Variants in PTPRD observed in about 807,000 individuals in gnomAD.
PTPRD encodes receptor-type tyrosine-protein phosphatase delta.
In PTPRD, 34 loss-of-function variants were observed where a neutral mutation model predicts 214.5. The ratio of observed to expected loss-of-function variants is 0.16; its 90% CI spans 0.12 to 0.21. The LOEUF (loss-of-function observed/expected upper bound fraction) is 0.21. PTPRD is among the 10% of genes least tolerant of loss of function. The pLI, the probability that PTPRD is intolerant of heterozygous loss-of-function variation, is 1.00. For synonymous variants in PTPRD, 1,128 were observed against 845.7 expected (o/e 1.33, Z -5.79); for missense variants, 2,545 against 2,398.7 (o/e 1.06, Z -1.27).
At chr9:9,840,380 C>G (rs1341284443) in intron 5 of PTPRD, among the ~76,000 whole-genome samples, 3 of 152,138 alleles carry the variant, frequency 2.0e-5, no homozygotes, top group Middle Eastern at 3.4e-3. Flanking sequence ...GAAAAATAGA[C>G]TTTGTTTTTT....
intron 2 of PTPRD, among the ~76,000 whole-genome samples, chr9:10,514,307 C>A (rs1199290025): frequency 1.3e-5 from 2 of 151,060 alleles, no homozygotes; most frequent in Admixed American, 6.6e-5. Flanking sequence ...CTTTGGGGAG[C>A]AAAATCAAAA....
intron 9 of PTPRD, among the ~76,000 whole-genome samples, chr9:9,248,134 C>G (rs188002375): frequency 6.6e-6 from 1 of 151,820 alleles, no homozygotes; most frequent in Non-Finnish European, 1.5e-5. Flanking sequence ...ACTCTGTCAC[C>G]CAGGTTGGCA....
chr9:10,268,393 T>C (rs1456368504), intron 3 of PTPRD, among the ~76,000 whole-genome samples: 1 of 151,836 alleles, frequency 6.6e-6, no homozygotes, highest in South Asian at 2.1e-4. Context: ...GTTCTAAATT[T>C]GTAACTATGT....
At chr9:10,312,863 T>C (rs571921670) in intron 3 of PTPRD, among the ~76,000 whole-genome samples, 4 of 152,138 alleles carry the variant, frequency 2.6e-5, no homozygotes, top group East Asian at 3.9e-4. Context: ...TGTAATTTTA[T>C]GAAATATAAA....
At chr9:8,708,406 G>T (rs949961932) in intron 12 of PTPRD, among the ~76,000 whole-genome samples, 2 of 151,984 alleles carry the variant, frequency 1.3e-5, no homozygotes, top group African/African-American at 4.8e-5. Context: ...AGGTGCAGTG[G>T]CTCACATCTG....
intron 2 of PTPRD, among the ~76,000 whole-genome samples, chr9:10,531,306 T>C (rs954464136): frequency 6.6e-6 from 1 of 151,336 alleles, no homozygotes. Context: ...AAGATCTACA[T>C]CATATTACAG....
At chr9:10,217,262 T>C (rs903009292) in intron 3 of PTPRD, among the ~76,000 whole-genome samples, 14 of 151,890 alleles carry the variant, frequency 9.2e-5, no homozygotes, top group Admixed American at 2.0e-4. Flanking sequence ...TTACATTTTA[T>C]TGGCCTCTTC....
At position 8,711,206 on chromosome 9, in the gene PTPRD, AAT is replaced by A. The variant is rs145775124; in HGVS notation, c.64+22572_64+22573del. On this transcript the variant is annotated intron_variant, in intron 12 of 45. Transcript: ENST00000381196. ...ATAATATATTTCATCAGCAATATAA[AAT>A]AATTGTCTTGGTAATTAAGGAAGCT... Among the ~76,000 whole-genome samples, 697 of 152,224 alleles carry A rather than the reference AAT, an allele frequency of 4.6e-3. 4 individuals are homozygous for A. The highest frequency in any genetic ancestry group is 0.016 in the African/African-American group (669 of 41,560).
rs536160333 is a variant in PTPRD, at chr9:8,392,399, G to C, written c.4211-2992C>G. ...AACTTGGCTGGATATGGTCATGCAC[G>C]CCTGTAGTCCCAGCTACCTGGGAGC... On this transcript the variant is annotated intron_variant, in intron 36 of 45. Transcript: ENST00000381196. Among the ~76,000 whole-genome samples, 3 of 152,078 alleles carry C rather than the reference G, an allele frequency of 2.0e-5. No homozygotes were observed. The South Asian group carries it at 6.2e-4, about 32-fold the overall frequency.
chr9:9,267,465 C>G (rs896680743), intron 9 of PTPRD, among the ~76,000 whole-genome samples: 1 of 151,314 alleles, frequency 6.6e-6, no homozygotes, highest in East Asian at 2.0e-4. Context: ...GTGAATTCTA[C>G]CAAACATTTA....
intron 8 of PTPRD, among the ~76,000 whole-genome samples, chr9:9,515,492 T>C (rs548641634): frequency 4.6e-5 from 7 of 152,204 alleles, no homozygotes; most frequent in Non-Finnish European, 1.0e-4. Context: ...AGATAATCTG[T>C]ATACAGAAAG....
chr9:8,667,021 G>C (rs1346245133), intron 12 of PTPRD, among the ~76,000 whole-genome samples: 4 of 152,064 alleles, frequency 2.6e-5, no homozygotes, highest in African/African-American at 9.7e-5. Flanking sequence ...CAAAAATAAA[G>C]GGAATTTGGA....
intron 5 of PTPRD, among the ~76,000 whole-genome samples, chr9:9,905,454 G>A (rs2077328831): frequency 6.6e-6 from 1 of 151,694 alleles, no homozygotes; most frequent in Non-Finnish European, 1.5e-5. Flanking sequence ...ACGACAACAA[G>A]GTTTATGGCT....
intron 7 of PTPRD, among the ~76,000 whole-genome samples, chr9:9,627,437 T>C (rs2154356948): frequency 6.6e-6 from 1 of 152,338 alleles, no homozygotes; most frequent in Middle Eastern, 3.4e-3. Flanking sequence ...ATGAGAGAGC[T>C]AGAGATCAAT....
intron 11 of PTPRD, among the ~76,000 whole-genome samples, chr9:8,994,162 C>T (rs938449161): frequency 6.6e-6 from 1 of 152,114 alleles, no homozygotes; most frequent in African/African-American, 2.4e-5. Flanking sequence ...ACATCTTCCC[C>T]TCTTTCTGTC....
chr9:9,008,819 T>C (rs2099494613), intron 11 of PTPRD, among the ~76,000 whole-genome samples: 1 of 152,180 alleles, frequency 6.6e-6, no homozygotes, highest in Non-Finnish European at 1.5e-5. Flanking sequence ...TTGAGAACCC[T>C]TGTAAAACCT....
intron 2 of PTPRD, among the ~76,000 whole-genome samples, chr9:10,480,037 C>A (rs1455986725): frequency 6.6e-6 from 1 of 152,130 alleles, no homozygotes. Flanking sequence ...TGATTGTTCT[C>A]ATCCTGGTGA....
chr9:10,502,892 A>G (rs969804916), intron 2 of PTPRD, among the ~76,000 whole-genome samples: 2 of 152,098 alleles, frequency 1.3e-5, no homozygotes, highest in Admixed American at 1.3e-4. Flanking sequence ...AAAACATTCT[A>G]ACATATTGAT....
At chr9:8,332,222 C>CAATAACTTCACATCTGCT (rs1358798403) in intron 43 of PTPRD, among the ~76,000 whole-genome samples, 1 of 152,114 alleles carries the variant, frequency 6.6e-6, no homozygotes, top group Non-Finnish European at 1.5e-5. Context: ...GCAGTTGTCG[C>CAATAACTTCACATCTGCT]AATAACTTCA....
Sources: allele counts gnomAD v4.1 joint callset (sites outside exome capture counted in the v4.1 genomes callset), GRCh38; gene constraint gnomAD v4.1.1; transcripts MANE v1.5; gene names NCBI Gene and HGNC (gene_info 2026-07-23, HGNC 2026-07-21).